Variants in RPP30 observed in about 807,000 individuals in gnomAD.
RPP30 encodes ribonuclease P protein subunit p30.
A neutral mutation model predicts 38.6 loss-of-function variants in RPP30; 36 were observed. The observed-to-expected ratio is 0.93, with a 90% CI of 0.71 to 1.23. The LOEUF is 1.23. RPP30 is among the 50% of genes most tolerant of loss of function. The pLI is 0.00. For missense variants in RPP30, 321 were observed against 321.7 expected, an observed-to-expected ratio of 1.00 and a Z score of 0.02; for synonymous variants, 126 against 112.7, an observed-to-expected ratio of 1.12 and a Z score of -0.75.
intron 6 of RPP30, among the ~76,000 whole-genome samples, chr10:90,887,375 T>C (rs1847016127): frequency 6.6e-6 from 1 of 151,960 alleles, no homozygotes; most frequent in Admixed American, 6.6e-5. Context: ...ATAAAAGCTC[T>C]TGTTGGGTAA....
chr10:90,904,576 G>T (rs1847234205), downstream of RPP30, among the ~76,000 whole-genome samples: 1 of 152,156 alleles, frequency 6.6e-6, no homozygotes, highest in Non-Finnish European at 1.5e-5. Context: ...CCTTCAGGAG[G>T]CCAAGGAGGG....
chr10:90,878,634 T>C (rs527407640), intron 4 of RPP30, among the ~76,000 whole-genome samples: 1 of 152,170 alleles, frequency 6.6e-6, no homozygotes, highest in Admixed American at 6.5e-5. Flanking sequence ...CTGGGACATA[T>C]GTGTGTACCA....
chr10:90,891,582 G>C (rs1023648448), intron 6 of RPP30, among the ~76,000 whole-genome samples: 3 of 152,126 alleles, frequency 2.0e-5, no homozygotes, highest in Admixed American at 6.5e-5. Flanking sequence ...CCACCCAAAG[G>C]CTCTCAGTAG....
intron 4 of RPP30, among the ~76,000 whole-genome samples, chr10:90,878,527 T>C (rs973202598): frequency 6.6e-6 from 1 of 152,108 alleles, no homozygotes; most frequent in Non-Finnish European, 1.5e-5. Flanking sequence ...GGTCTCACTT[T>C]GTTGTCCAGG....
intron 10 of RPP30, among the ~76,000 whole-genome samples, chr10:90,898,854 G>A (rs1339814655): frequency 2.6e-5 from 4 of 152,228 alleles, no homozygotes; most frequent in African/African-American, 4.8e-5. Context: ...TTTGGCCTGT[G>A]ATTGATAAAG....
At position 90,876,007 on chromosome 10, in the gene RPP30, AT is replaced by A; in HGVS notation, c.196-16del. ...TTGTCTTTTGTGCTTTTTTGACATC[AT>A]GTCTTTTTTAAATAGGGAAAATCAA... On this transcript the variant is annotated splice_polypyrimidine_tract_variant and intron_variant, in intron 3 of 10. Transcript: ENST00000371703. The A allele has an allele frequency of 7.4e-7, 1 of 1,355,084 alleles. No individual in the cohort carries two copies. The highest frequency in any genetic ancestry group is 1.2e-5 in the South Asian group (1 of 84,336). 83.9% of individuals were successfully genotyped at this position (1,355,084 alleles called of 1,614,324 possible).
chr10:90,883,241 A>G (rs1021414147), intron 5 of RPP30, among the ~76,000 whole-genome samples: 14 of 148,002 alleles, frequency 9.5e-5, no homozygotes, highest in African/African-American at 3.0e-4. Context: ...ATATGTGTGC[A>G]TTTTTATGGG....
At chr10:90,885,998 A>G (rs1268721547) in intron 6 of RPP30, 97 bp downstream of exon 6, 2 of 790,256 alleles carry the variant, frequency 2.5e-6, no homozygotes, top group East Asian at 2.8e-5. Flanking sequence ...AAGGAAAAAC[A>G]AAGGCTAGGG....
At chr10:90,889,313 T>TTC (rs1847043528) in intron 6 of RPP30, among the ~76,000 whole-genome samples, 1 of 145,140 alleles carries the variant, frequency 6.9e-6, no homozygotes, top group East Asian at 2.0e-4. Flanking sequence ...ACTTTTTTTT[T>TTC]TTTTTTTTTT....
intron 5 of RPP30, among the ~76,000 whole-genome samples, chr10:90,879,565 G>T (rs1846896589): frequency 6.6e-6 from 1 of 152,114 alleles, no homozygotes. Flanking sequence ...TCCTTTGCAT[G>T]CTCTGTGGTA....
At chr10:90,900,515 C>G in intron 10 of RPP30, 55 bp from the exon 11 acceptor site, 1 of 1,546,802 alleles carries the variant, frequency 6.5e-7, no homozygotes, top group Non-Finnish European at 8.8e-7. Flanking sequence ...TAAACCACCT[C>G]ATTTTAAATT....
chr10:90,897,355 G>T (rs1847152240), intron 10 of RPP30, among the ~76,000 whole-genome samples: 1 of 152,156 alleles, frequency 6.6e-6, no homozygotes, highest in African/African-American at 2.4e-5. Context: ...GTTATTGAGG[G>T]CTTGTGTGTT....
downstream of RPP30, chr10:90,905,592 A>G (rs935367322): frequency 3.9e-5 from 6 of 152,260 alleles, no homozygotes; most frequent in African/African-American, 1.4e-4. Context: ...TGCTGCTTCC[A>G]GGAGACCTGA....
At chr10:90,879,703 G>C (rs1215762732) in intron 5 of RPP30, among the ~76,000 whole-genome samples, 1 of 152,106 alleles carries the variant, frequency 6.6e-6, no homozygotes, top group Non-Finnish European at 1.5e-5. Flanking sequence ...TTTTGTACTT[G>C]TAAAATTGCC....
chr10:90,893,376 C>G (rs1847104964), intron 6 of RPP30, among the ~76,000 whole-genome samples: 1 of 152,144 alleles, frequency 6.6e-6, no homozygotes, highest in South Asian at 2.1e-4. Flanking sequence ...GCAATCGAAA[C>G]TCATTTGCCA....
At chr10:90,896,428 T>C in intron 10 of RPP30, 36 bp downstream of exon 10, 2 of 1,555,378 alleles carry the variant, frequency 1.3e-6, no homozygotes, top group Non-Finnish European at 8.9e-7. Flanking sequence ...TGAATGGTCA[T>C]GTTAAAAGCA....
chr10:90,887,242 A>T (rs1192336597), intron 6 of RPP30, among the ~76,000 whole-genome samples: 5 of 152,196 alleles, frequency 3.3e-5, no homozygotes, highest in South Asian at 4.1e-4. Context: ...TGCTCAGCTT[A>T]CAGGCATGAG....
intron 5 of RPP30, among the ~76,000 whole-genome samples, chr10:90,883,980 C>G (rs565616393): frequency 6.6e-6 from 1 of 152,246 alleles, no homozygotes; most frequent in African/African-American, 2.4e-5. Flanking sequence ...TTCCTTCCTA[C>G]CTAACACCAT....
downstream of RPP30, among the ~76,000 whole-genome samples, chr10:90,907,183 CATG>C (rs1295355960): frequency 6.6e-6 from 1 of 152,218 alleles, no homozygotes. Flanking sequence ...AAGTTGGTCA[CATG>C]GTGGTAACAC....
Sources: allele counts gnomAD v4.1 joint callset (sites outside exome capture counted in the v4.1 genomes callset), GRCh38; gene constraint gnomAD v4.1.1; transcripts MANE v1.5; gene names NCBI Gene and HGNC (gene_info 2026-07-23, HGNC 2026-07-21).